MYRFL: variants seen among roughly 807,000 people sequenced by gnomAD.
The protein encoded by MYRFL is myelin regulatory factor like.
MYRFL carries 88 observed loss-of-function variants against 109.4 expected under a neutral mutation model. That is an observed-to-expected ratio of 0.80 (90% CI 0.68 to 0.96). The LOEUF (loss-of-function observed/expected upper bound fraction) is 0.96, where lower values mean the gene tolerates loss of function less well. MYRFL is among the 40% of genes least tolerant of loss of function. The probability of loss-of-function intolerance (pLI) is 0.00; values close to 1 mark genes in which losing one functional copy is unlikely to be tolerated. For synonymous variants in MYRFL, 324 were observed against 320.9 expected (o/e 1.01, Z -0.10); for missense variants, 957 against 954.9 (o/e 1.00, Z -0.03).
rs56738242 is a variant in MYRFL, at chr12:69,927,414, AT to A, written c.1767-261del. 1.0e-4 allele frequency among the ~76,000 whole-genome samples: 15 copies of A among 150,116 alleles called. No individual in the cohort carries two copies. In the East Asian group the frequency reaches 1.4e-3, roughly 14 times the overall value. ...GTCCTCAGGGGGAAAACTTTCTGTT[AT>A]TTTTTTTTTAATTGCTTAAGAAGGT... On this transcript the variant is annotated intron_variant, in intron 14 of 24. Coordinates refer to ENST00000552032, the MANE Select transcript of MYRFL (RefSeq NM_182530.3).
intron 2 of MYRFL, among the ~76,000 whole-genome samples, chr12:69,858,485 G>C (rs1047001340): frequency 2.0e-5 from 3 of 151,894 alleles, no homozygotes; most frequent in African/African-American, 7.2e-5. Flanking sequence ...CCTTTGCTTT[G>C]TTGGAGGGTC....
At chr12:69,865,445 A>G (rs1884961160) in intron 2 of MYRFL, among the ~76,000 whole-genome samples, 1 of 152,044 alleles carries the variant, frequency 6.6e-6, no homozygotes, top group Non-Finnish European at 1.5e-5. Flanking sequence ...GGAGAGAGTG[A>G]CTTTTCTGGG....
chr12:69,894,665 G>T (rs1566005447), intron 8 of MYRFL, among the ~76,000 whole-genome samples: 1 of 152,242 alleles, frequency 6.6e-6, no homozygotes, highest in Non-Finnish European at 1.5e-5. Flanking sequence ...CTGGTAGTAT[G>T]CAAAGCAATA....
At chr12:69,920,572 G>A (rs1308875529) in intron 13 of MYRFL, among the ~76,000 whole-genome samples, 2 of 147,798 alleles carry the variant, frequency 1.4e-5, no homozygotes, top group African/African-American at 2.5e-5. Context: ...GTCCAGGTGA[G>A]CCCACTCTCT....
chr12:69,957,202 T>C (rs1272789503), intron 22 of MYRFL, among the ~76,000 whole-genome samples: 1 of 152,278 alleles, frequency 6.6e-6, no homozygotes, highest in African/African-American at 2.4e-5. Context: ...AGCTTTAAAA[T>C]CTAGTGATTT....
chr12:69,955,398 AACAC>A lies in MYRFL; in HGVS notation c.2416_2419del (p.Thr806ProfsTer10). 2 of 661,780 alleles carry A rather than the reference AACAC, an allele frequency of 3.0e-6. No individual in the cohort carries two copies. The highest frequency in any genetic ancestry group is 5.4e-6 in the Non-Finnish European group (2 of 370,654). 41.0% of individuals were successfully genotyped at this position (661,780 alleles called of 1,614,324 possible). ...TATAATTACAATATTCCTGTTAATA[AACAC>A]ACACCCACCAATGTCAAGTTCTCTC... On this transcript the variant is annotated frameshift_variant, in exon 22 of 25. Transcript: ENST00000552032. LOFTEE classifies it high-confidence loss of function.
chr12:69,883,425 C>A (rs761067822), intron 5 of MYRFL, among the ~76,000 whole-genome samples: 36 of 152,152 alleles, frequency 2.4e-4, no homozygotes, highest in South Asian at 6.2e-4. Flanking sequence ...CAATCACAAA[C>A]CAAAAAGATA....
intron 2 of MYRFL, among the ~76,000 whole-genome samples, chr12:69,867,055 G>A (rs756274219): frequency 4.6e-5 from 7 of 152,210 alleles, no homozygotes; most frequent in African/African-American, 1.7e-4. Context: ...GCTGAGGGCC[G>A]TCCTGTCAAC....
chr12:69,901,504 C>A (rs1413744032), intron 10 of MYRFL, among the ~76,000 whole-genome samples: 1 of 152,146 alleles, frequency 6.6e-6, no homozygotes. Context: ...GAGAGTATTG[C>A]AATTGTTCCA....
chr12:69,879,225 C>T lies in MYRFL; in HGVS notation c.236C>T (p.Ala79Val). The T allele has an allele frequency of 1.4e-6, 1 of 702,884 alleles. No individual in the cohort carries two copies. Among genetic ancestry groups the T allele is most frequent in the Non-Finnish European group, 2.6e-6 (1 of 384,844 alleles). The allele number at this position is 702,884 out of a possible 1,614,324, so 43.5% of individuals were successfully genotyped here. ...GACYPTLRPT[A>V]GRTPAPFLHP... ...TGCTACCCAACCCTGAGGCCCACAG[C>T]TGGGAGGACTCCAGCTCCTTTTCTC... is the stretch of plus-strand genomic sequence containing the variant. Residue 79 changes from alanine (A) to valine (V), a missense_variant, in exon 4 of 25, where the codon GCT becomes GTT. Ala to Val is a moderately conservative substitution (Grantham distance 64). Transcript: ENST00000552032.
At chr12:69,929,737 G>A (rs1166855914) in intron 15 of MYRFL, among the ~76,000 whole-genome samples, 1 of 152,170 alleles carries the variant, frequency 6.6e-6, no homozygotes, top group Non-Finnish European at 1.5e-5. Context: ...AATTTTTGTG[G>A]GGTTCAAATT....
rs938957010 is a variant in MYRFL, at chr12:69,900,426, C to G, written c.1182+3180C>G. ...GTACATGGCATAAAGAAGTAGTTCT[C>G]AAGCTTGTATTATGAATAAGAATCC... On this transcript the variant is annotated intron_variant, in intron 10 of 24. Transcript: ENST00000552032. Among the ~76,000 whole-genome samples the G allele has an allele frequency of 2.0e-5, 3 of 152,150 alleles. No homozygotes were observed. The South Asian group carries it at 6.2e-4, about 32-fold the overall frequency.
intron 1 of MYRFL, among the ~76,000 whole-genome samples, chr12:69,850,356 AATATT>A (rs958896326): frequency 8.6e-5 from 13 of 151,812 alleles, no homozygotes; most frequent in South Asian, 2.1e-4. Context: ...ATTTTAATAA[AATATT>A]AAATTTAATA....
At chr12:69,914,697 A>C (rs1954677930) in intron 13 of MYRFL, among the ~76,000 whole-genome samples, 1 of 152,166 alleles carries the variant, frequency 6.6e-6, no homozygotes, top group African/African-American at 2.4e-5. Context: ...ATTCCTAGGA[A>C]GGCAAACTCA....
chr12:69,864,688 C>T (rs1243494383), intron 2 of MYRFL, among the ~76,000 whole-genome samples: 1 of 146,882 alleles, frequency 6.8e-6, no homozygotes, highest in Non-Finnish European at 1.5e-5. Context: ...CACACACACA[C>T]AGAGCTAGTA....
intron 1 of MYRFL, among the ~76,000 whole-genome samples, chr12:69,850,562 A>G (rs1021588487): frequency 4.6e-5 from 7 of 152,244 alleles, no homozygotes; most frequent in African/African-American, 1.2e-4. Flanking sequence ...TTTTTAACCA[A>G]ATGGTACAGG....
At chr12:69,932,471 A>G in intron 15 of MYRFL, 42 bp from the exon 16 acceptor site, 3 of 1,318,676 alleles carry the variant, frequency 2.3e-6, no homozygotes, top group Non-Finnish European at 3.2e-6. Context: ...TCACAGTTAG[A>G]GTTGCTAATT....
intron 1 of MYRFL, among the ~76,000 whole-genome samples, chr12:69,855,012 G>A (rs1040976921): frequency 6.6e-6 from 1 of 152,056 alleles, no homozygotes; most frequent in Non-Finnish European, 1.5e-5. Context: ...CTACCTTTTG[G>A]CAGGTCTAAA....
At chr12:69,906,114 G>A (rs952165804) in intron 11 of MYRFL, among the ~76,000 whole-genome samples, 1 of 152,122 alleles carries the variant, frequency 6.6e-6, no homozygotes, top group Non-Finnish European at 1.5e-5. Flanking sequence ...ACTACAATTG[G>A]GGAAAATGGA....
Sources: allele counts gnomAD v4.1 joint callset (sites outside exome capture counted in the v4.1 genomes callset), GRCh38; gene constraint gnomAD v4.1.1; transcripts MANE v1.5; gene names NCBI Gene and HGNC (gene_info 2026-07-23, HGNC 2026-07-21).